Variants in ZNF365 observed in about 807,000 individuals in gnomAD.
ZNF365 encodes zinc finger protein 365.
In ZNF365, 22 loss-of-function variants were observed where a neutral mutation model predicts 35.0. The observed-to-expected ratio is 0.63, with a 90% CI of 0.45 to 0.90. ZNF365 has a LOEUF of 0.90. Ranked by LOEUF, ZNF365 falls within the 40% of genes least tolerant of loss-of-function variation. The pLI is 0.00. For missense variants in ZNF365, 448 were observed against 500.3 expected (o/e 0.90, Z 1.00); for synonymous variants, 188 against 196.2 (o/e 0.96, Z 0.35).
At chr10:62,479,355 G>A (rs1841184082) in intron 4 of ZNF365, among the ~76,000 whole-genome samples, 1 of 152,198 alleles carries the variant, frequency 6.6e-6, no homozygotes, top group African/African-American at 2.4e-5. Flanking sequence ...GACAACTACA[G>A]TTATACTGTA....
intron 3 of ZNF365, among the ~76,000 whole-genome samples, chr10:62,454,006 T>A (rs1279466922): frequency 6.6e-6 from 1 of 152,168 alleles, no homozygotes; most frequent in African/African-American, 2.4e-5. Context: ...ACCTGTTAGA[T>A]ATTGGTAAAG....
intron 2 of ZNF365, among the ~76,000 whole-genome samples, chr10:62,385,845 C>T (rs374791727): frequency 6.6e-6 from 1 of 152,076 alleles, no homozygotes; most frequent in Admixed American, 6.5e-5. Context: ...TATATGTGAA[C>T]CATTTCCATA....
chr10:62,418,724 C>T (rs115100397), intron 3 of ZNF365, among the ~76,000 whole-genome samples: 239 of 152,168 alleles, frequency 1.6e-3, no homozygotes, highest in African/African-American at 5.4e-3. Context: ...GGTATTGGCT[C>T]TGTCTTCAGT....
At chr10:62,466,488 C>T (rs61863441) in intron 4 of ZNF365, among the ~76,000 whole-genome samples, 5,118 of 152,210 alleles carry the variant, frequency 0.034, 129 homozygotes, top group Non-Finnish European at 0.052. Context: ...TAGCACGGGC[C>T]GAGCACAGCC....
intron 3 of ZNF365, among the ~76,000 whole-genome samples, chr10:62,421,253 T>A (rs1170472635): frequency 6.6e-6 from 1 of 152,180 alleles, no homozygotes; most frequent in African/African-American, 2.4e-5. Flanking sequence ...GAGAGTCTAG[T>A]CAACTTGATG....
chr10:62,397,753 T>C (rs1218284072), intron 3 of ZNF365, among the ~76,000 whole-genome samples: 1 of 152,212 alleles, frequency 6.6e-6, no homozygotes, highest in African/African-American at 2.4e-5. Flanking sequence ...GAATGATGTA[T>C]TATAGGCAAG....
At chr10:62,384,717 A>C (rs1036512959) in intron 2 of ZNF365, among the ~76,000 whole-genome samples, 1 of 152,230 alleles carries the variant, frequency 6.6e-6, no homozygotes, top group African/African-American at 2.4e-5. Flanking sequence ...GCTGTGCCAA[A>C]TGTGACAGTT....
At chr10:62,449,493 G>T (rs1367040996) in intron 3 of ZNF365, among the ~76,000 whole-genome samples, 1 of 152,130 alleles carries the variant, frequency 6.6e-6, no homozygotes, top group Non-Finnish European at 1.5e-5. Context: ...TTACAATCTG[G>T]AGCAAATATG....
chr10:62,431,537 C>A (rs1840334799), intron 3 of ZNF365, among the ~76,000 whole-genome samples: 1 of 152,080 alleles, frequency 6.6e-6, no homozygotes, highest in African/African-American at 2.4e-5. Context: ...TCTAATGCAT[C>A]TTTTTTGACC....
chr10:62,440,311 C>T (rs540304959), intron 3 of ZNF365, among the ~76,000 whole-genome samples: 13 of 32,288 alleles, frequency 4.0e-4, no homozygotes, highest in African/African-American at 8.5e-4. Flanking sequence ...TACTGGGTCA[C>T]GGGATGGGGG....
chr10:62,421,512 A>G (rs993615182), intron 3 of ZNF365, among the ~76,000 whole-genome samples: 6 of 152,342 alleles, frequency 3.9e-5, no homozygotes, highest in Admixed American at 2.6e-4. Context: ...CCAAGTCCGT[A>G]TCACGTAAAG....
chr10:62,409,365 C>T (rs554124098), intron 3 of ZNF365, among the ~76,000 whole-genome samples: 4 of 152,202 alleles, frequency 2.6e-5, no homozygotes, highest in African/African-American at 9.6e-5. Flanking sequence ...GGTTCTCTGT[C>T]CTCCCCAGAG....
intron 3 of ZNF365, among the ~76,000 whole-genome samples, chr10:62,446,057 C>A (rs1457161004): frequency 6.6e-6 from 1 of 152,154 alleles, no homozygotes; most frequent in Non-Finnish European, 1.5e-5. Context: ...TGACCTTTAA[C>A]CAAATTCTGT....
At chr10:62,442,816 C>T (rs919164223) in intron 3 of ZNF365, among the ~76,000 whole-genome samples, 5 of 152,196 alleles carry the variant, frequency 3.3e-5, no homozygotes, top group Admixed American at 6.5e-5. Context: ...TTATCCCCAA[C>T]ATGGGGGGAA....
intron 3 of ZNF365, among the ~76,000 whole-genome samples, chr10:62,418,317 G>C (rs1276017327): frequency 1.3e-5 from 2 of 151,822 alleles, no homozygotes; most frequent in African/African-American, 4.8e-5. Flanking sequence ...TAGACGCAGG[G>C]GCTTATTTAC....
At chr10:62,465,152 G>A (rs569899717) in intron 4 of ZNF365, among the ~76,000 whole-genome samples, 48 of 152,350 alleles carry the variant, frequency 3.2e-4, no homozygotes, top group African/African-American at 1.0e-3. Context: ...TGCTCCCGGA[G>A]CCCACTTCAG....
At chr10:62,415,821 C>A (rs952056379) in intron 3 of ZNF365, among the ~76,000 whole-genome samples, 3 of 152,230 alleles carry the variant, frequency 2.0e-5, no homozygotes, top group Admixed American at 6.5e-5. Context: ...TCTTAAATTG[C>A]CAATTTGTTA....
intron 3 of ZNF365, among the ~76,000 whole-genome samples, chr10:62,441,780 G>A (rs560038865): frequency 2.6e-4 from 39 of 152,124 alleles, no homozygotes; most frequent in Non-Finnish European, 3.8e-4. Flanking sequence ...ATATATGCTT[G>A]TGAATTGAAT....
chr10:62,382,438 A>G (rs1839455977), intron 2 of ZNF365, among the ~76,000 whole-genome samples: 1 of 152,200 alleles, frequency 6.6e-6, no homozygotes, highest in South Asian at 2.1e-4. Flanking sequence ...TGACGTGTCA[A>G]GCATATCCTC....
Sources: gnomAD v4.1 joint callset for allele counts (sites outside exome capture counted in the v4.1 genomes callset) on GRCh38, gnomAD v4.1.1 for gene constraint, MANE v1.5 for transcripts, NCBI Gene and HGNC (gene_info 2026-07-23, HGNC 2026-07-21) for gene names.